The following RPTOR variants were observed in gnomAD, a reference collection of about 807,000 sequenced individuals.
RPTOR encodes regulatory associated protein of MTOR complex 1.
A neutral mutation model predicts 169.9 loss-of-function variants in RPTOR; 21 were observed. The ratio of observed to expected loss-of-function variants is 0.12; its 90% CI spans 0.09 to 0.18. The LOEUF is 0.18. Ranked by LOEUF, RPTOR falls within the 10% of genes least tolerant of loss-of-function variation. The probability of loss-of-function intolerance (pLI) is 1.00; values close to 1 mark genes in which losing one functional copy is unlikely to be tolerated. For missense variants in RPTOR, 1,133 were observed against 1,855.9 expected (o/e 0.61, Z 7.16); for synonymous variants, 732 against 753.2 (o/e 0.97, Z 0.46).
chr17:80,843,830 C>T (rs1375667120), intron 10 of RPTOR, among the ~76,000 whole-genome samples: 1 of 152,206 alleles, frequency 6.6e-6, no homozygotes, highest in Non-Finnish European at 1.5e-5. Flanking sequence ...TGGAGGCTCC[C>T]AGCCTCTCAG....
In RPTOR at chr17:80,707,245, C is replaced by T. The variant is rs893010778; in HGVS notation, c.349-596C>T. Among the ~76,000 whole-genome samples the T allele has an allele frequency of 6.6e-6, 1 of 152,216 alleles. No individual in the cohort carries two copies. The highest frequency in any genetic ancestry group is 2.4e-5 in the African/African-American group (1 of 41,450). On this transcript the variant is annotated intron_variant, in intron 3 of 33. Coordinates refer to ENST00000306801, the MANE Select transcript of RPTOR (RefSeq NM_020761.3). The surrounding 1 kb of genome is among the most constrained non-coding windows in gnomAD (Gnocchi z 5.0). ...CAGATGTTTTCAGAAGGACCGCGTA[C>T]TTCTGAGAAACACTTGGTACCCCAG...
chr17:80,607,931 T>C lies in RPTOR; in HGVS notation c.163-17760T>C, dbSNP rs114849297. Among the ~76,000 whole-genome samples, 1,257 of 152,336 alleles carry C rather than the reference T, an allele frequency of 8.3e-3. 23 individuals carry two copies. Among genetic ancestry groups the C allele is most frequent in the African/African-American group, 0.028 (1,163 of 41,564 alleles). ...TAAATTCCTTATGGTTAGAGGAATT[T>C]TGTGCAGCTGTAAATCCCAAACATA... On this transcript the variant is annotated intron_variant, in intron 1 of 33. Coordinates refer to ENST00000306801, the MANE Select transcript of RPTOR (RefSeq NM_020761.3).
At chr17:80,655,537 G>C (rs944350662) in intron 3 of RPTOR, among the ~76,000 whole-genome samples, 1 of 151,758 alleles carries the variant, frequency 6.6e-6, no homozygotes, top group African/African-American at 2.4e-5. Context: ...TGAGTAGCTG[G>C]GACTACAGAT....
chr17:80,591,146 A>G (rs9904962), intron 1 of RPTOR, among the ~76,000 whole-genome samples: 36,200 of 36,500 alleles, frequency 0.99, 17,952 homozygotes, highest in East Asian at 1. Context: ...CTGCCTGCCC[A>G]GCCCCCTCCC....
chr17:80,742,348 C>T (rs182925515), intron 5 of RPTOR, among the ~76,000 whole-genome samples: 14 of 152,150 alleles, frequency 9.2e-5, no homozygotes, highest in East Asian at 7.7e-4. Flanking sequence ...GGAGCATCGA[C>T]GGTGGTCATT....
intron 1 of RPTOR, among the ~76,000 whole-genome samples, chr17:80,551,758 C>T (rs1021307348): frequency 6.8e-4 from 104 of 152,010 alleles, no homozygotes; most frequent in Middle Eastern, 6.8e-3. Flanking sequence ...AGACCCTTTA[C>T]GGGTGTCGGG....
intron 11 of RPTOR, among the ~76,000 whole-genome samples, chr17:80,849,962 C>T (rs370680472): frequency 2.0e-5 from 3 of 152,136 alleles, no homozygotes; most frequent in South Asian, 4.1e-4. Flanking sequence ...GAACGAAGAG[C>T]GCCTAGGTTA....
At chr17:80,631,632 GA>G (rs1420954500) in intron 2 of RPTOR, among the ~76,000 whole-genome samples, 2 of 151,580 alleles carry the variant, frequency 1.3e-5, no homozygotes, top group East Asian at 3.9e-4. Context: ...ATGTTGATAG[GA>G]TTGGAGCCAC....
chr17:80,911,866 G>A (rs1241435864), intron 21 of RPTOR, among the ~76,000 whole-genome samples: 1 of 152,192 alleles, frequency 6.6e-6, no homozygotes, highest in East Asian at 1.9e-4. Flanking sequence ...CAGACAGGAA[G>A]GAAATAAGGA....
In RPTOR at chr17:80,659,697, T is replaced by C. The variant is rs9903851; in HGVS notation, c.348+15887T>C. Among the ~76,000 whole-genome samples, 113,553 of 151,872 alleles carry C rather than the reference T, an allele frequency of 0.75. 43,389 individuals carry two copies. The highest frequency in any genetic ancestry group is 0.89 in the African/African-American group (37,074 of 41,432). ...AATTTCTGTATTTTTAGTAGAGATG[T>C]GGTTTCACCATGTTGGCCAGGCTGG... On this transcript the variant is annotated intron_variant, in intron 3 of 33. Transcript: ENST00000306801. The surrounding 1 kb of genome is among the most constrained non-coding windows in gnomAD (Gnocchi z 4.3).
intron 28 of RPTOR, among the ~76,000 whole-genome samples, chr17:80,952,113 C>T (rs886579695): frequency 2.0e-5 from 3 of 152,182 alleles, no homozygotes; most frequent in African/African-American, 7.2e-5. Flanking sequence ...TATTTGTCAT[C>T]GATTGGAGTC....
chr17:80,765,296 G>A (rs1415597013), intron 6 of RPTOR, among the ~76,000 whole-genome samples: 1 of 152,196 alleles, frequency 6.6e-6, no homozygotes, highest in African/African-American at 2.4e-5. Context: ...AGAGCCAGTT[G>A]TCTCAGTTCT....
chr17:80,629,851 A>G (rs1178253821), intron 2 of RPTOR, among the ~76,000 whole-genome samples: 1 of 151,870 alleles, frequency 6.6e-6, no homozygotes, highest in Non-Finnish European at 1.5e-5. Context: ...ATTGTACCAC[A>G]GCTCTTCCGT....
At chr17:80,641,894 C>T (rs1206065670) in intron 2 of RPTOR, among the ~76,000 whole-genome samples, 1 of 152,166 alleles carries the variant, frequency 6.6e-6, no homozygotes, top group Non-Finnish European at 1.5e-5. Flanking sequence ...TTGATTGGCT[C>T]TTGCTTTCAC....
chr17:80,939,685 T>C (rs2068999590), intron 24 of RPTOR, among the ~76,000 whole-genome samples: 1 of 152,348 alleles, frequency 6.6e-6, no homozygotes, highest in South Asian at 2.1e-4. Flanking sequence ...GTCTTCCTTC[T>C]GTCTCGTAAG....
chr17:80,922,451 T>G (rs1288189182), intron 21 of RPTOR, among the ~76,000 whole-genome samples: 1 of 152,184 alleles, frequency 6.6e-6, no homozygotes, highest in Non-Finnish European at 1.5e-5. Flanking sequence ...CTCAGGAGCC[T>G]CAGGCAGAGC....
rs1291698421 is a variant in RPTOR, at chr17:80,959,481, C to G, written c.3478-597C>G. Reference sequence around the variant, plus strand: ...TGTGTTTCCTCCTGGAGTGCACAACCCAGCACCGCCCATCGTGCGTGGAAA... The same window carrying G: ...TGTGTTTCCTCCTGGAGTGCACAACGCAGCACCGCCCATCGTGCGTGGAAA... On this transcript the variant is annotated intron_variant, in intron 29 of 33. Transcript: ENST00000306801. This position sits in a 1 kb window ranked among gnomAD's most constrained non-coding sequence, Gnocchi z 6.7. Among the ~76,000 whole-genome samples the G allele has an allele frequency of 6.6e-6, 1 of 152,182 alleles. No individual in the cohort carries two copies.
intron 5 of RPTOR, among the ~76,000 whole-genome samples, chr17:80,752,372 A>G (rs2066638742): frequency 1.3e-5 from 2 of 152,210 alleles, no homozygotes; most frequent in Non-Finnish European, 2.9e-5. Flanking sequence ...GCATCCCCGG[A>G]AGGGAGGCAT....
intron 5 of RPTOR, among the ~76,000 whole-genome samples, chr17:80,749,943 A>G (rs2066615205): frequency 6.6e-6 from 1 of 151,900 alleles, no homozygotes. Flanking sequence ...CTCAAACTCC[A>G]GAGCTCAAGC....
Sources: allele counts gnomAD v4.1 joint callset (sites outside exome capture counted in the v4.1 genomes callset), GRCh38; gene constraint gnomAD v4.1.1; non-coding constraint Gnocchi (gnomAD v3.1); transcripts MANE v1.5; gene names NCBI Gene and HGNC (gene_info 2026-07-23, HGNC 2026-07-21).